DLG2: variants seen among roughly 807,000 people sequenced by gnomAD.
DLG2 encodes discs large MAGUK scaffold protein 2, also known as disks large homolog 2.
DLG2 carries 45 observed loss-of-function variants against 132.5 expected under a neutral mutation model. The ratio of observed to expected loss-of-function variants is 0.34; its 90% CI spans 0.27 to 0.44. DLG2 has a LOEUF of 0.44. DLG2 is among the 20% of genes least tolerant of loss of function. DLG2 has a pLI of 1.00. For missense variants in DLG2, 1,045 were observed against 1,196.9 expected, an observed-to-expected ratio of 0.87 and a Z score of 1.87; for synonymous variants, 424 against 419.6, an observed-to-expected ratio of 1.01 and a Z score of -0.13.
At chr11:83,813,958 T>C (rs1382963285) in intron 17 of DLG2, among the ~76,000 whole-genome samples, 6 of 152,138 alleles carry the variant, frequency 3.9e-5, no homozygotes, top group Admixed American at 3.9e-4. Flanking sequence ...TTGCCGAAAT[T>C]CACAATTACA....
chr11:84,908,443 G>A (rs1250888130), intron 6 of DLG2, among the ~76,000 whole-genome samples: 1 of 152,216 alleles, frequency 6.6e-6, no homozygotes, highest in East Asian at 1.9e-4. Context: ...CAGACAGTAC[G>A]ACTCAAGTGT....
intron 19 of DLG2, among the ~76,000 whole-genome samples, chr11:83,619,989 A>G (rs2061385965): frequency 6.6e-6 from 1 of 152,230 alleles, no homozygotes; most frequent in Admixed American, 6.5e-5. Flanking sequence ...TTTTCATGTT[A>G]GAGGGCATTA....
At chr11:85,560,490 A>C (rs1365455872) in intron 3 of DLG2, among the ~76,000 whole-genome samples, 1 of 151,872 alleles carries the variant, frequency 6.6e-6, no homozygotes, top group African/African-American at 2.4e-5. Context: ...ATGAAAGATA[A>C]CATATTCTAA....
intron 7 of DLG2, among the ~76,000 whole-genome samples, chr11:84,504,631 T>TA (rs1266535675): frequency 2.4e-4 from 11 of 45,528 alleles, no homozygotes; most frequent in Non-Finnish European, 5.0e-4. Flanking sequence ...AGAAATTGTG[T>TA]AATTTTTTTT....
At chr11:84,429,671 C>T (rs1018442231) in intron 7 of DLG2, among the ~76,000 whole-genome samples, 1 of 152,134 alleles carries the variant, frequency 6.6e-6, no homozygotes, top group African/African-American at 2.4e-5. Flanking sequence ...TCTCTAATAG[C>T]CTCATTCCTG....
intron 3 of DLG2, among the ~76,000 whole-genome samples, chr11:85,427,835 T>C (rs1203093246): frequency 7.2e-5 from 11 of 152,192 alleles, no homozygotes; most frequent in East Asian, 3.9e-4. Context: ...GACTGGCAAA[T>C]TGGATAAAGA....
chr11:83,950,456 T>C (rs111955442), intron 14 of DLG2, among the ~76,000 whole-genome samples: 2,011 of 152,220 alleles, frequency 0.013, 41 homozygotes, highest in African/African-American at 0.046. Context: ...TAGCTGGGCA[T>C]GGTGGTGCAT....
rs139009985 is a variant in DLG2 at position 85,142,384 on chromosome 11, C to G, written c.282+12172G>C. Among the ~76,000 whole-genome samples the G allele has an allele frequency of 5.5e-3, 828 of 151,688 alleles. 4 individuals are homozygous for G. Among genetic ancestry groups the G allele is most frequent in the Non-Finnish European group, 9.6e-3 (653 of 67,696 alleles). ...TGTTCATTGTTGACATTTAGAAATG[C>G]TAATACTTTTTGTATGTTGATTTTG... On this transcript the variant is annotated intron_variant, in intron 5 of 27. Transcript: ENST00000376104.
intron 7 of DLG2, among the ~76,000 whole-genome samples, chr11:84,450,292 G>C (rs528043280): frequency 6.6e-6 from 1 of 151,786 alleles, no homozygotes; most frequent in Non-Finnish European, 1.5e-5. Flanking sequence ...AATAAAAGCA[G>C]CAAGTTCTAT....
intron 3 of DLG2, among the ~76,000 whole-genome samples, chr11:85,487,837 G>C (rs1487166364): frequency 6.6e-6 from 1 of 152,156 alleles, no homozygotes; most frequent in African/African-American, 2.4e-5. Context: ...ACAATGCAAA[G>C]AAGATTTTGC....
At chr11:84,663,928 G>A (rs1159160435) in intron 6 of DLG2, among the ~76,000 whole-genome samples, 3 of 152,140 alleles carry the variant, frequency 2.0e-5, no homozygotes, top group East Asian at 1.9e-4. Flanking sequence ...CAGATCTGGT[G>A]CCCAGGCAGG....
intron 16 of DLG2, among the ~76,000 whole-genome samples, chr11:83,844,702 G>T (rs765013038): frequency 2.6e-5 from 4 of 152,058 alleles, no homozygotes; most frequent in Admixed American, 6.5e-5. Context: ...AAAGATCTTC[G>T]CAATAGATCT....
Position 84,254,770 on chromosome 11 carries a change from A to G in DLG2, c.520-3479T>C, listed in dbSNP as rs140213909. ...AGAGGACAAGAATTTGAAGGATAAG[A>G]TCTATGTTATGTGGAATCTATGTTA... On this transcript the variant is annotated intron_variant, in intron 7 of 27. Transcript: ENST00000376104. Among the ~76,000 whole-genome samples the G allele has an allele frequency of 7.2e-3, 1,097 of 152,308 alleles. 4 individuals carry two copies. The highest frequency in any genetic ancestry group is 0.022 in the South Asian group (104 of 4,832).
rs145723158 is a variant in DLG2, at chr11:83,865,192, T to C, written c.1565+9228A>G. Among the ~76,000 whole-genome samples, 254 of 152,248 alleles carry C rather than the reference T, an allele frequency of 1.7e-3. 1 individual carries two copies. Among genetic ancestry groups the C allele is most frequent in the African/African-American group, 5.8e-3 (242 of 41,554 alleles). On this transcript the variant is annotated intron_variant, in intron 16 of 27. Transcript: ENST00000376104. ...CAGACTAAAAGACGTGATTGGAATG[T>C]ATGTGACATTTCTGTTAAGGCAGGA...
At chr11:83,687,566 T>G (rs553190449) in intron 18 of DLG2, among the ~76,000 whole-genome samples, 1 of 152,338 alleles carries the variant, frequency 6.6e-6, no homozygotes, top group East Asian at 1.9e-4. Flanking sequence ...TTCCTATTGT[T>G]TTGGTATTGT....
intron 6 of DLG2, among the ~76,000 whole-genome samples, chr11:84,845,866 G>T (rs184633922): frequency 9.4e-4 from 143 of 151,938 alleles, no homozygotes; most frequent in African/African-American, 3.4e-3. Flanking sequence ...TTTTAGTAGA[G>T]ATAGGGTTTC....
At chr11:85,614,080 C>G (rs1248137247) in intron 2 of DLG2, among the ~76,000 whole-genome samples, 1 of 152,202 alleles carries the variant, frequency 6.6e-6, no homozygotes, top group Non-Finnish European at 1.5e-5. Context: ...TCAGAAGGAA[C>G]AAACTCTGGA....
At chr11:85,024,374 C>G (rs557189331) in intron 6 of DLG2, among the ~76,000 whole-genome samples, 1 of 152,084 alleles carries the variant, frequency 6.6e-6, no homozygotes, top group South Asian at 2.1e-4. Context: ...GTAAACGGCA[C>G]CAAAACTGTG....
chr11:83,946,885 CACT>C (rs1449839193), intron 14 of DLG2, among the ~76,000 whole-genome samples: 9 of 152,218 alleles, frequency 5.9e-5, no homozygotes, highest in Non-Finnish European at 1.3e-4. Flanking sequence ...GTGAGTGCCA[CACT>C]CAGTTGCAAC....
Sources: gnomAD v4.1 joint callset for allele counts (sites outside exome capture counted in the v4.1 genomes callset) on GRCh38, gnomAD v4.1.1 for gene constraint, MANE v1.5 for transcripts, NCBI Gene and HGNC (gene_info 2026-07-23, HGNC 2026-07-21) for gene names.